MARCHF11: variants seen among roughly 807,000 people sequenced by gnomAD.
The protein encoded by MARCHF11 is E3 ubiquitin-protein ligase MARCHF11.
Under a neutral mutation model 37.3 loss-of-function variants are expected in MARCHF11, and 29 were observed. The observed-to-expected ratio is 0.78, with a 90% CI of 0.58 to 1.06. The LOEUF is 1.06. Among genes scored for constraint, MARCHF11 ranks in the 50% least tolerant of loss-of-function variants. The pLI, the probability that MARCHF11 is intolerant of heterozygous loss-of-function variation, is 0.00. For missense variants in MARCHF11, 482 were observed against 533.4 expected (o/e 0.90, Z 0.95); for synonymous variants, 233 against 228.0 (o/e 1.02, Z -0.20).
At chr5:16,166,938 CAT>C (rs1738179425) in intron 2 of MARCHF11, among the ~76,000 whole-genome samples, 1 of 139,678 alleles carries the variant, frequency 7.2e-6, no homozygotes, top group South Asian at 2.2e-4. Flanking sequence ...TGTATGTATA[CAT>C]ATGAGTGTGA....
intron 2 of MARCHF11, among the ~76,000 whole-genome samples, chr5:16,095,359 G>C (rs1560973051): frequency 6.6e-6 from 1 of 152,208 alleles, no homozygotes; most frequent in Non-Finnish European, 1.5e-5. Flanking sequence ...CTTCAGCGAG[G>C]AGGGCTAAAT....
intron 2 of MARCHF11, among the ~76,000 whole-genome samples, chr5:16,119,267 G>T (rs973729489): frequency 1.3e-5 from 2 of 151,902 alleles, no homozygotes; most frequent in African/African-American, 2.4e-5. Context: ...GGAGGCTGAG[G>T]CAAGAGAGCA....
chr5:16,124,990 C>T (rs1313476155), intron 2 of MARCHF11, among the ~76,000 whole-genome samples: 2 of 151,328 alleles, frequency 1.3e-5, no homozygotes, highest in South Asian at 2.1e-4. Context: ...CATGGCTGCA[C>T]TAGTGTCAGG....
rs141670669 is a variant in MARCHF11, at chr5:16,162,786, C to A, written c.693+14940G>T. ...ATGGATGAACAAATAAATGAATACA[C>A]AGCAAATCCAAAATATAACACAATT... On this transcript the variant is annotated intron_variant, in intron 2 of 3. Coordinates refer to ENST00000332432, the MANE Select transcript of MARCHF11 (RefSeq NM_001102562.3). Among the ~76,000 whole-genome samples, 9 of 152,030 alleles carry A rather than the reference C, an allele frequency of 5.9e-5. No homozygotes were observed. In the East Asian group the frequency reaches 1.4e-3, roughly 23 times the overall value.
At chr5:16,133,202 T>C (rs1303759493) in intron 2 of MARCHF11, among the ~76,000 whole-genome samples, 1 of 152,140 alleles carries the variant, frequency 6.6e-6, no homozygotes, top group East Asian at 1.9e-4. Context: ...TAGAGTGTAT[T>C]TCCCCTTCCC....
At chr5:16,067,924 T>C in intron 3 of MARCHF11, 131 bp from the exon 4 acceptor site, 1 of 813,330 alleles carries the variant, frequency 1.2e-6, no homozygotes, top group Middle Eastern at 3.4e-4. Flanking sequence ...AGTATTCTGT[T>C]TACTCAAATA....
At chr5:16,081,110 C>T (rs1736601032) in intron 3 of MARCHF11, among the ~76,000 whole-genome samples, 1 of 152,188 alleles carries the variant, frequency 6.6e-6, no homozygotes, top group Non-Finnish European at 1.5e-5. Flanking sequence ...AAATTCTTCT[C>T]CCCCATAGAC....
chr5:16,085,396 T>C (rs1348113935), intron 3 of MARCHF11, among the ~76,000 whole-genome samples: 1 of 152,196 alleles, frequency 6.6e-6, no homozygotes, highest in African/African-American at 2.4e-5. Context: ...GCATGACCTA[T>C]GTGAGCCATT....
At chr5:16,133,804 TA>T (rs113440597) in intron 2 of MARCHF11, among the ~76,000 whole-genome samples, 161 of 150,674 alleles carry the variant, frequency 1.1e-3, no homozygotes, top group African/African-American at 3.6e-3. Context: ...TGATGAGCTT[TA>T]AAAAAAAAAT....
At chr5:16,143,473 T>C (rs1737751044) in intron 2 of MARCHF11, among the ~76,000 whole-genome samples, 1 of 152,240 alleles carries the variant, frequency 6.6e-6, no homozygotes, top group Non-Finnish European at 1.5e-5. Flanking sequence ...ACCAGGCCAC[T>C]GGATGTCGAT....
chr5:16,090,475 G>A (rs1736772646), intron 3 of MARCHF11, among the ~76,000 whole-genome samples: 2 of 152,068 alleles, frequency 1.3e-5, no homozygotes, highest in African/African-American at 4.8e-5. Context: ...GTAAGACATC[G>A]AGATGTCTGT....
At chr5:16,152,409 A>T (rs1434616686) in intron 2 of MARCHF11, among the ~76,000 whole-genome samples, 1 of 152,028 alleles carries the variant, frequency 6.6e-6, no homozygotes, top group Non-Finnish European at 1.5e-5. Context: ...CCATGTTACA[A>T]ACCATATCAA....
chr5:16,075,586 G>GGA (rs141356580), intron 3 of MARCHF11, among the ~76,000 whole-genome samples: 402 of 148,616 alleles, frequency 2.7e-3, no homozygotes, highest in Middle Eastern at 0.01. Flanking sequence ...TGAAAGAGAG[G>GGA]GAGAGAGAGA....
rs1193548863 is a variant in MARCHF11 at position 16,074,555 on chromosome 5, G to A, written c.887-6762C>T. ...TACTGTTGACTATAAATGGTATAGA[G>A]CTTTGCTCTTCTCAGAATGACTGAG... On this transcript the variant is annotated intron_variant, in intron 3 of 3. Coordinates refer to ENST00000332432, the MANE Select transcript of MARCHF11 (RefSeq NM_001102562.3). Among the ~76,000 whole-genome samples, 5 of 152,270 alleles carry A rather than the reference G, an allele frequency of 3.3e-5. No homozygotes were observed. The East Asian group carries it at 9.6e-4, about 29-fold the overall frequency.
At chr5:16,138,978 C>G (rs180925929) in intron 2 of MARCHF11, among the ~76,000 whole-genome samples, 1 of 152,222 alleles carries the variant, frequency 6.6e-6, no homozygotes, top group Non-Finnish European at 1.5e-5. Flanking sequence ...AATGGACTTG[C>G]CTTGTCATGG....
At chr5:16,103,153 A>G (rs1234955172) in intron 2 of MARCHF11, among the ~76,000 whole-genome samples, 1 of 152,108 alleles carries the variant, frequency 6.6e-6, no homozygotes, top group Non-Finnish European at 1.5e-5. Flanking sequence ...AAAAATCACA[A>G]TACAGCTTGG....
intron 3 of MARCHF11, among the ~76,000 whole-genome samples, chr5:16,075,968 A>C (rs923205899): frequency 2.6e-5 from 4 of 152,230 alleles, no homozygotes; most frequent in African/African-American, 9.6e-5. Context: ...AGGTCATCAA[A>C]TGTTTGCCTG....
chr5:16,081,563 T>A (rs1474337952), intron 3 of MARCHF11, among the ~76,000 whole-genome samples: 2 of 152,298 alleles, frequency 1.3e-5, no homozygotes, highest in African/African-American at 4.8e-5. Flanking sequence ...CCAAGCCTTG[T>A]TCTATTTATA....
intron 2 of MARCHF11, among the ~76,000 whole-genome samples, chr5:16,174,662 C>T (rs1738325870): frequency 6.6e-6 from 1 of 152,198 alleles, no homozygotes; most frequent in Non-Finnish European, 1.5e-5. Flanking sequence ...TCAAGCATCA[C>T]TGGTGAGTTC....
Sources: allele counts gnomAD v4.1 joint callset (sites outside exome capture counted in the v4.1 genomes callset), GRCh38; gene constraint gnomAD v4.1.1; transcripts MANE v1.5; gene names NCBI Gene and HGNC (gene_info 2026-07-23, HGNC 2026-07-21).